Variants in COBL observed in about 807,000 individuals in gnomAD.
COBL encodes the protein cordon-bleu WH2 repeat protein, also known as protein cordon-bleu.
Under a neutral mutation model 98.8 loss-of-function variants are expected in COBL, and 51 were observed. The observed-to-expected ratio is 0.52, with a 90% CI of 0.41 to 0.65. The LOEUF is 0.65. COBL is among the 30% of genes least tolerant of loss of function. The pLI, the probability that COBL is intolerant of heterozygous loss-of-function variation, is 0.00. For synonymous variants in COBL, 634 were observed against 651.7 expected (o/e 0.97, Z 0.41); for missense variants, 1,617 against 1,617.5 (o/e 1.00, Z 0.01).
intron 6 of COBL, among the ~76,000 whole-genome samples, chr7:51,095,027 T>C (rs376907264): frequency 6.6e-6 from 1 of 152,076 alleles, no homozygotes; most frequent in African/African-American, 2.4e-5. Flanking sequence ...TGAAAAGGAA[T>C]CAAAGTCTGT....
At chr7:51,165,092 A>G (rs908773004) in intron 5 of COBL, among the ~76,000 whole-genome samples, 2 of 152,090 alleles carry the variant, frequency 1.3e-5, no homozygotes, top group East Asian at 3.9e-4. Context: ...GGACCAGAAA[A>G]CAGATAACAA....
At chr7:51,195,035 G>A (rs976669536) in intron 2 of COBL, among the ~76,000 whole-genome samples, 7 of 152,114 alleles carry the variant, frequency 4.6e-5, no homozygotes, top group African/African-American at 1.7e-4. Context: ...GATTCCATTT[G>A]TCAGGTTTTG....
At chr7:51,092,725 C>T (rs1338151468) in intron 6 of COBL, among the ~76,000 whole-genome samples, 2 of 152,112 alleles carry the variant, frequency 1.3e-5, no homozygotes. Flanking sequence ...AGTGTGATGC[C>T]TCCACCTTTG....
chr7:51,269,567 C>T (rs181517583), intron 1 of COBL, among the ~76,000 whole-genome samples: 1 of 152,352 alleles, frequency 6.6e-6, no homozygotes, highest in Admixed American at 6.5e-5. Flanking sequence ...CACAGCCCTG[C>T]CCCTGCTCCG....
At chr7:51,194,625 T>C (rs139387113) in intron 2 of COBL, among the ~76,000 whole-genome samples, 2 of 152,262 alleles carry the variant, frequency 1.3e-5, no homozygotes, top group East Asian at 3.9e-4. Context: ...CCAGCATCTG[T>C]TGGTTTTTGA....
Position 51,135,972 on chromosome 7 carries a change from G to A in COBL, c.957+186C>T, listed in dbSNP as rs1353386130. 2.0e-5 allele frequency among the ~76,000 whole-genome samples: 3 copies of A among 152,178 alleles called. No individual in the cohort carries two copies. The South Asian group carries it at 6.2e-4, about 32-fold the overall frequency. On this transcript the variant is annotated intron_variant, in intron 6 of 12. Transcript: ENST00000265136. ...GCCTTGGGGAACTCAGCTTCTCAGA[G>A]TTAAAATCATGAGCCCTTCCTGGCA...
At chr7:51,222,492 G>A (rs1418021892) in intron 1 of COBL, among the ~76,000 whole-genome samples, 1 of 152,038 alleles carries the variant, frequency 6.6e-6, no homozygotes, top group Admixed American at 6.6e-5. Flanking sequence ...GTCACAGAGA[G>A]GTAAAACTGA....
At chr7:51,264,222 T>C (rs1328653984) in intron 1 of COBL, among the ~76,000 whole-genome samples, 1 of 152,130 alleles carries the variant, frequency 6.6e-6, no homozygotes, top group Non-Finnish European at 1.5e-5. Flanking sequence ...TGGGGATCTG[T>C]TCCTCACAAT....
chr7:51,200,300 A>G (rs1790996919), intron 2 of COBL, among the ~76,000 whole-genome samples: 1 of 152,234 alleles, frequency 6.6e-6, no homozygotes, highest in South Asian at 2.1e-4. Context: ...ATGAAAGCAT[A>G]TGAAAATATG....
chr7:51,220,196 C>A (rs1423931507), intron 1 of COBL, among the ~76,000 whole-genome samples: 1 of 152,186 alleles, frequency 6.6e-6, no homozygotes, highest in Non-Finnish European at 1.5e-5. Context: ...GGTACACAAG[C>A]CTGTATTCAC....
intron 1 of COBL, among the ~76,000 whole-genome samples, chr7:51,285,460 A>T (rs1023327612): frequency 6.6e-6 from 1 of 152,208 alleles, no homozygotes; most frequent in African/African-American, 2.4e-5. Flanking sequence ...AACACACAAA[A>T]ATCAAGTATA....
At chr7:51,246,712 C>T (rs554706032) in intron 1 of COBL, among the ~76,000 whole-genome samples, 24 of 152,314 alleles carry the variant, frequency 1.6e-4, no homozygotes, top group African/African-American at 5.8e-4. Context: ...GTTGCAATTC[C>T]ATGATGTCCT....
intron 1 of COBL, among the ~76,000 whole-genome samples, chr7:51,223,370 G>C (rs1018941547): frequency 2.0e-5 from 3 of 152,256 alleles, no homozygotes; most frequent in Admixed American, 6.5e-5. Context: ...GGGGAAAAAA[G>C]GTTTGATGAT....
At chr7:51,096,128 T>C (rs191364447) in intron 6 of COBL, among the ~76,000 whole-genome samples, 64 of 152,222 alleles carry the variant, frequency 4.2e-4, no homozygotes, top group Non-Finnish European at 8.2e-4. Flanking sequence ...AAAAGAAGTC[T>C]TAACAAGATT....
chr7:51,101,910 C>T (rs891119227), intron 6 of COBL, among the ~76,000 whole-genome samples: 4 of 152,062 alleles, frequency 2.6e-5, no homozygotes, highest in Admixed American at 6.5e-5. Flanking sequence ...ATCCTAACCT[C>T]CAAGGTGATA....
At chr7:51,254,052 C>CA (rs1420925966) in intron 1 of COBL, among the ~76,000 whole-genome samples, 1 of 149,524 alleles carries the variant, frequency 6.7e-6, no homozygotes, top group African/African-American at 2.4e-5. Context: ...CACACATCCT[C>CA]ATTCTTCCTT....
At chr7:51,018,891 C>CAAA (rs11433270) in intron 12 of COBL, among the ~76,000 whole-genome samples, 106 of 6,788 alleles carry the variant, frequency 0.016, 9 homozygotes, top group Middle Eastern at 0.25. Flanking sequence ...AACTCCATCT[C>CAAA]AAAAAAAAAA....
At chr7:51,253,650 T>C (rs1221109823) in intron 1 of COBL, among the ~76,000 whole-genome samples, 1 of 152,248 alleles carries the variant, frequency 6.6e-6, no homozygotes, top group African/African-American at 2.4e-5. Context: ...AATAACATCA[T>C]TGTATTTTAT....
rs140266309 is a variant in COBL at position 51,210,246 on chromosome 7, GATC to G, written c.245+9492_245+9494del. Among the ~76,000 whole-genome samples, 1,392 of 152,262 alleles carry G rather than the reference GATC, an allele frequency of 9.1e-3. 17 individuals carry two copies. Among genetic ancestry groups the G allele is most frequent in the African/African-American group, 0.032 (1,312 of 41,532 alleles). On this transcript the variant is annotated intron_variant, in intron 2 of 12. Coordinates refer to ENST00000265136, the MANE Select transcript of COBL (RefSeq NM_015198.5). ...TCTTCAGCAGTCGAGGGTGGGAGTA[GATC>G]ATCAACAACCCACCTGCCCAAATTT...
Sources: gnomAD v4.1 joint callset for allele counts (sites outside exome capture counted in the v4.1 genomes callset) on GRCh38, gnomAD v4.1.1 for gene constraint, MANE v1.5 for transcripts, NCBI Gene and HGNC (gene_info 2026-07-23, HGNC 2026-07-21) for gene names.